Variants in MED26 observed in about 807,000 individuals in gnomAD.
MED26 encodes mediator of RNA polymerase II transcription subunit 26.
In MED26, 7 loss-of-function variants were observed where a neutral mutation model predicts 43.7. The ratio of observed to expected loss-of-function variants is 0.16; its 90% confidence interval spans 0.09 to 0.30. The LOEUF (loss-of-function observed/expected upper bound fraction) is 0.30, where lower values mean the gene tolerates loss of function less well. Ranked by LOEUF, MED26 falls within the 10% of genes least tolerant of loss-of-function variation. The pLI, the probability that MED26 is intolerant of heterozygous loss-of-function variation, is 1.00. For missense variants in MED26, 784 were observed against 840.6 expected (o/e 0.93, Z 0.83); for synonymous variants, 375 against 371.1 (o/e 1.01, Z -0.12).
In MED26 at chr19:16,576,482, G is replaced by A; in HGVS notation, c.1348C>T (p.His450Tyr). Residue 450 changes from histidine (H) to tyrosine (Y), a missense_variant, in exon 3 of 3, where the codon CAC (histidine) becomes TAC (tyrosine). Coordinates refer to ENST00000263390, the MANE Select transcript of MED26 (RefSeq NM_004831.5). The surrounding 1 kb of genome is among the most constrained non-coding windows in gnomAD (Gnocchi z 6.8). ...KEPVRADSPVHMEQQSRTELD... is the reference protein window; with the variant it reads ...KEPVRADSPVYMEQQSRTELD... ...TCTGTCCTGGACTGCTGCTCCATGT[G>A]CACAGGGCTGTCTGCCCGCACTGGC... The A allele has an allele frequency of 6.2e-7, 1 of 1,614,166 alleles. No homozygotes were observed. The highest frequency in any genetic ancestry group is 8.5e-7 in the Non-Finnish European group (1 of 1,180,028).
At chr19:16,609,265 T>C (rs1185752093) in intron 1 of MED26, among the ~76,000 whole-genome samples, 5 of 141,452 alleles carry the variant, frequency 3.5e-5, no homozygotes, top group Admixed American at 7.5e-5. Context: ...CGAGCGGAGA[T>C]TGCACCACCG....
chr19:16,625,922 G>A (rs534980204), intron 1 of MED26, among the ~76,000 whole-genome samples: 1 of 152,252 alleles, frequency 6.6e-6, no homozygotes, highest in Admixed American at 6.5e-5. Context: ...GTAGGACTCT[G>A]CCCAAGATCA....
Position 16,577,694 on chromosome 19 carries a change from G to A in MED26, c.148-12C>T. The A allele has an allele frequency of 6.5e-7, 1 of 1,549,430 alleles. No homozygotes were observed. The highest frequency in any genetic ancestry group is 8.8e-7 in the Non-Finnish European group (1 of 1,142,686). Reference sequence around the variant, plus strand: ...CCAAGTCGTGTTTCCTACAACCAGAGGGAGATGATGACATACTTTCGGGAC... The same window carrying A: ...CCAAGTCGTGTTTCCTACAACCAGAAGGAGATGATGACATACTTTCGGGAC... On this transcript the variant is annotated splice_polypyrimidine_tract_variant and intron_variant, in intron 2 of 2. Transcript: ENST00000263390. The surrounding 1 kb of genome is among the most constrained non-coding windows in gnomAD (Gnocchi z 8.1).
rs144095334 is a variant in MED26, at chr19:16,584,168, G to A, written c.73-5759C>T. Among the ~76,000 whole-genome samples, 528 of 151,822 alleles carry A rather than the reference G, an allele frequency of 3.5e-3. 7 individuals are homozygous for A. Among genetic ancestry groups the A allele is most frequent in the African/African-American group, 0.012 (510 of 41,364 alleles). On this transcript the variant is annotated intron_variant, in intron 1 of 2. Coordinates refer to ENST00000263390, the MANE Select transcript of MED26 (RefSeq NM_004831.5). ...CTCGGGAGGCTGAGGCAGGAGAATC[G>A]CTCAAACCTGGGAGGCGGAGGTTGC...
rs552561626 is a variant in MED26, at chr19:16,586,072, C to T, written c.73-7663G>A. ...CTCCACATCTGAACTGTTCCCACCC[C>T]GCCTGAGATCCCCAGCCTCTTGGGA... On this transcript the variant is annotated intron_variant, in intron 1 of 2. Coordinates refer to ENST00000263390, the MANE Select transcript of MED26 (RefSeq NM_004831.5). This position sits in a 1 kb window ranked among gnomAD's most constrained non-coding sequence, Gnocchi z 5.1. Among the ~76,000 whole-genome samples, 29 of 152,350 alleles carry T rather than the reference C, an allele frequency of 1.9e-4. No individual in the cohort carries two copies. The South Asian group carries it at 5.4e-3, about 28-fold the overall frequency.
Position 16,590,520 on chromosome 19 carries a change from C to A in MED26, c.73-12111G>T, listed in dbSNP as rs1292617936. On this transcript the variant is annotated intron_variant, in intron 1 of 2. Transcript: ENST00000263390. ...ATGTCTGATTTTGTCACATGCTTTT[C>A]CTGCATGTACTGGGATGATTATAAG... Among the ~76,000 whole-genome samples, 3 of 152,306 alleles carry A rather than the reference C, an allele frequency of 2.0e-5. No homozygotes were observed. In the South Asian group the frequency reaches 6.2e-4, roughly 32 times the overall value.
intron 1 of MED26, among the ~76,000 whole-genome samples, chr19:16,620,087 C>T (rs1027431936): frequency 1.3e-5 from 2 of 152,200 alleles, no homozygotes; most frequent in African/African-American, 2.4e-5. Flanking sequence ...GAGGAAAACA[C>T]ACCTCACACC....
At chr19:16,583,799 T>C (rs12462428) in intron 1 of MED26, among the ~76,000 whole-genome samples, 44,596 of 152,058 alleles carry the variant, frequency 0.29, 8,588 homozygotes, top group African/African-American at 0.56. Flanking sequence ...CATGGGCCAA[T>C]AGGAATGTGA....
rs776157495 is a variant in MED26, at chr19:16,577,477, G to A, written c.353C>T (p.Ala118Val). ...GTCATGGATGCTCCTGGGTGGGCCA[G>A]CCGCCCCCACCTCCGGCCGGCAGTT... ...AHNCRPEVGA[A>V]GPPRSIHDLK... Residue 118 changes from alanine to valine, a missense_variant, in exon 3 of 3, where the codon GCT becomes GTT. Transcript: ENST00000263390. The surrounding 1 kb of genome is among the most constrained non-coding windows in gnomAD (Gnocchi z 8.1). 5 of 1,588,892 alleles carry A rather than the reference G, an allele frequency of 3.1e-6. No individual in the cohort carries two copies. Among genetic ancestry groups the A allele is most frequent in the Admixed American group, 1.7e-5 (1 of 58,674 alleles).
At chr19:16,620,830 G>A (rs2086248378) in intron 1 of MED26, among the ~76,000 whole-genome samples, 1 of 152,212 alleles carries the variant, frequency 6.6e-6, no homozygotes, top group South Asian at 2.1e-4. Flanking sequence ...TGACAAGACA[G>A]AACTTCATTT....
intron 1 of MED26, chr19:16,611,293 T>G (rs1599345276): frequency 6.6e-6 from 1 of 152,250 alleles, no homozygotes; most frequent in Non-Finnish European, 1.5e-5. Flanking sequence ...GAAAACCAGG[T>G]GTTGTCCAGT....
chr19:16,619,511 A>G (rs1310437698), intron 1 of MED26, among the ~76,000 whole-genome samples: 2 of 152,248 alleles, frequency 1.3e-5, no homozygotes, highest in Admixed American at 1.3e-4. Flanking sequence ...ACTTAAACCC[A>G]GTGTGTGCAG....
chr19:16,600,022 G>A (rs1161575471), intron 1 of MED26, among the ~76,000 whole-genome samples: 1 of 152,152 alleles, frequency 6.6e-6, no homozygotes, highest in Non-Finnish European at 1.5e-5. Flanking sequence ...GAGATGGGGT[G>A]AGGACACACT....
rs1264174556 is a variant in MED26 at position 16,578,395 on chromosome 19, C to T, written c.87G>A (p.Val29=). ...GGCTGGAGATGACTTCCAGCACCGC[C>T]ACCATGTTCCGGATCTGTGGAAATA... is the stretch of plus-strand genomic sequence containing the variant. The part of the protein sequence containing the change: ...IDPQSNIRNM[V]AVLEVISSLE... The change falls in exon 2 of 3, where the codon GTG becomes GTA. Residue 29 remains valine, a synonymous_variant. Transcript: ENST00000263390. The T allele has an allele frequency of 6.2e-7, 1 of 1,614,086 alleles. No homozygotes were observed. The highest frequency in any genetic ancestry group is 1.3e-5 in the African/African-American group (1 of 75,032).
In MED26 at chr19:16,586,073, G is replaced by A. The variant is rs1471075910; in HGVS notation, c.73-7664C>T. ...TCCACATCTGAACTGTTCCCACCCC[G>A]CCTGAGATCCCCAGCCTCTTGGGAA... On this transcript the variant is annotated intron_variant, in intron 1 of 2. Coordinates refer to ENST00000263390, the MANE Select transcript of MED26 (RefSeq NM_004831.5). The surrounding 1 kb of genome is among the most constrained non-coding windows in gnomAD (Gnocchi z 5.1). 2.0e-5 allele frequency among the ~76,000 whole-genome samples: 3 copies of A among 152,136 alleles called. No homozygotes were observed. Among genetic ancestry groups the A allele is most frequent in the Admixed American group, 6.5e-5 (1 of 15,274 alleles).
intron 1 of MED26, among the ~76,000 whole-genome samples, chr19:16,600,638 C>T (rs896789942): frequency 1.3e-5 from 2 of 152,128 alleles, no homozygotes; most frequent in Non-Finnish European, 2.9e-5. Context: ...CCACTGACCC[C>T]AAGTGTAAGA....
intron 1 of MED26, 29 bp downstream of exon 1, chr19:16,627,843 C>G: frequency 6.8e-7 from 1 of 1,460,736 alleles, no homozygotes; most frequent in Non-Finnish European, 9.1e-7. Context: ...CATGCGGCCT[C>G]CGTCCCAGCT....
chr19:16,577,722 G>A lies in MED26; in HGVS notation c.148-40C>T. On this transcript the variant is annotated intron_variant, in intron 2 of 2. Transcript: ENST00000263390. This position sits in a 1 kb window ranked among gnomAD's most constrained non-coding sequence, Gnocchi z 8.1. ...AGATGATGACATACTTTCGGGACAG[G>A]AACTTCTCCATGAGCTGAGCCAGAA... 1.3e-6 allele frequency: 2 copies of A among 1,492,548 alleles called. No homozygotes were observed. Among genetic ancestry groups the A allele is most frequent in the Non-Finnish European group, 1.8e-6 (2 of 1,105,038 alleles). 92.5% of individuals were successfully genotyped at this position (1,492,548 alleles called of 1,614,324 possible).
intron 1 of MED26, among the ~76,000 whole-genome samples, chr19:16,584,432 T>C (rs544859979): frequency 6.6e-6 from 1 of 152,198 alleles, no homozygotes; most frequent in Admixed American, 6.5e-5. Flanking sequence ...ACTGGTGACA[T>C]GTGCTGTTCA....
Sources: gnomAD v4.1 joint callset for allele counts (sites outside exome capture counted in the v4.1 genomes callset) on GRCh38, gnomAD v4.1.1 for gene constraint, Gnocchi (gnomAD v3.1) non-coding constraint, MANE v1.5 for transcripts, NCBI Gene and HGNC (gene_info 2026-07-23, HGNC 2026-07-21) for gene names.